The following TNIK variants were observed in gnomAD, a reference collection of about 807,000 sequenced individuals.
The protein encoded by TNIK is TRAF2 and NCK interacting kinase.
In TNIK, 49 loss-of-function variants were observed where a neutral mutation model predicts 191.3. The ratio of observed to expected loss-of-function variants is 0.26; its 90% CI spans 0.20 to 0.32. The LOEUF (loss-of-function observed/expected upper bound fraction) is 0.32. TNIK is among the 10% of genes least tolerant of loss of function. The probability of loss-of-function intolerance (pLI) is 1.00; values close to 1 mark genes in which losing one functional copy is unlikely to be tolerated. For missense variants in TNIK, 1,155 were observed against 1,702.3 expected (o/e 0.68, Z 5.66); for synonymous variants, 594 against 600.9 (o/e 0.99, Z 0.17).
chr3:171,423,999 A>C (rs890978708), intron 1 of TNIK, among the ~76,000 whole-genome samples: 3 of 152,212 alleles, frequency 2.0e-5, no homozygotes, highest in African/African-American at 7.2e-5. Flanking sequence ...TAATTAAACT[A>C]AAGAGCTTCT....
At chr3:171,384,040 C>T (rs908112242) in intron 1 of TNIK, among the ~76,000 whole-genome samples, 2 of 152,160 alleles carry the variant, frequency 1.3e-5, no homozygotes, top group Admixed American at 6.5e-5. Context: ...TGTACACTCC[C>T]GCATTCTGTG....
Position 171,297,215 on chromosome 3 carries a change from C to A in TNIK, c.124-68994G>T, listed in dbSNP as rs79888095. On this transcript the variant is annotated intron_variant, in intron 2 of 32. Coordinates refer to ENST00000436636, the MANE Select transcript of TNIK (RefSeq NM_015028.4). ...AGAAGACAAGAAGAGAGGGAATGTA[C>A]TGCATCCTATTTCAAGCACTAACAC... Among the ~76,000 whole-genome samples the A allele has an allele frequency of 2.3e-3, 355 of 152,298 alleles. 1 individual carries two copies. The East Asian group carries it at 0.029, about 12-fold the overall frequency.
At chr3:171,347,002 C>T in intron 2 of TNIK, 3 of 777,582 alleles carry the variant, frequency 3.9e-6, no homozygotes, top group Middle Eastern at 2.4e-4. Context: ...GCAAGGATAA[C>T]ATCAAGGGAC....
chr3:171,238,349 A>G (rs1391332757), intron 2 of TNIK, among the ~76,000 whole-genome samples: 1 of 152,034 alleles, frequency 6.6e-6, no homozygotes, highest in East Asian at 1.9e-4. Context: ...AATATTGTAT[A>G]TATACAAATA....
chr3:171,103,703 TAAAG>T (rs1021821789), intron 21 of TNIK, among the ~76,000 whole-genome samples: 1 of 152,118 alleles, frequency 6.6e-6, no homozygotes, highest in Non-Finnish European at 1.5e-5. Context: ...TTATATAATT[TAAAG>T]AGAGAATATG....
intron 2 of TNIK, among the ~76,000 whole-genome samples, chr3:171,340,915 A>G (rs1187047932): frequency 6.6e-6 from 1 of 152,138 alleles, no homozygotes; most frequent in Non-Finnish European, 1.5e-5. Context: ...GGAAAAAAAA[A>G]AAGCCTACAA....
At chr3:171,223,928 C>T (rs1352477027) in intron 3 of TNIK, among the ~76,000 whole-genome samples, 1 of 152,120 alleles carries the variant, frequency 6.6e-6, no homozygotes, top group African/African-American at 2.4e-5. Context: ...TAATAACTCT[C>T]AGGTTTTTCT....
intron 6 of TNIK, among the ~76,000 whole-genome samples, chr3:171,189,431 A>C (rs1737759088): frequency 6.6e-6 from 1 of 152,222 alleles, no homozygotes; most frequent in South Asian, 2.1e-4. Flanking sequence ...AAAGAATTAC[A>C]TTTGATTACA....
intron 2 of TNIK, among the ~76,000 whole-genome samples, chr3:171,247,910 G>C (rs1745787123): frequency 6.6e-6 from 1 of 152,134 alleles, no homozygotes; most frequent in South Asian, 2.1e-4. Context: ...TGACTATGTG[G>C]AGGCAAAGAG....
intron 1 of TNIK, among the ~76,000 whole-genome samples, chr3:171,390,680 C>T (rs1168802301): frequency 6.6e-6 from 1 of 152,214 alleles, no homozygotes; most frequent in East Asian, 1.9e-4. Context: ...CCTCTTGGTA[C>T]ATTAGCTTTC....
chr3:171,368,405 C>G (rs1035857314), intron 2 of TNIK, among the ~76,000 whole-genome samples: 1 of 152,192 alleles, frequency 6.6e-6, no homozygotes, highest in African/African-American at 2.4e-5. Context: ...AATCTTCCAA[C>G]CTAATTATCT....
At chr3:171,217,730 T>C (rs57514050) in intron 3 of TNIK, among the ~76,000 whole-genome samples, 10,884 of 152,150 alleles carry the variant, frequency 0.072, 661 homozygotes, top group East Asian at 0.26. Flanking sequence ...GAATGAGATA[T>C]ATGCAAAATT....
intron 10 of TNIK, among the ~76,000 whole-genome samples, chr3:171,165,839 C>T (rs561943849): frequency 3.9e-5 from 6 of 152,292 alleles, no homozygotes; most frequent in South Asian, 2.1e-4. Context: ...GCAGCAACCC[C>T]CTCCTGCTGT....
intron 2 of TNIK, among the ~76,000 whole-genome samples, chr3:171,256,099 GA>G (rs879484172): frequency 1.5e-4 from 23 of 148,758 alleles, no homozygotes; most frequent in Non-Finnish European, 3.1e-4. Context: ...TCCCAACAAG[GA>G]AAAAAAAAAT....
At chr3:171,206,734 A>G (rs1175086393) in intron 4 of TNIK, among the ~76,000 whole-genome samples, 2 of 152,164 alleles carry the variant, frequency 1.3e-5, no homozygotes, top group African/African-American at 4.8e-5. Flanking sequence ...TGGACCCAGC[A>G]AAGTTTATCA....
intron 18 of TNIK, among the ~76,000 whole-genome samples, chr3:171,117,669 T>C (rs754756077): frequency 2.0e-5 from 3 of 152,086 alleles, no homozygotes; most frequent in African/African-American, 4.8e-5. Flanking sequence ...ATAATGTATA[T>C]AGTTAAAAAT....
chr3:171,373,875 G>T (rs1487502058), intron 1 of TNIK, among the ~76,000 whole-genome samples: 1 of 152,126 alleles, frequency 6.6e-6, no homozygotes, highest in Non-Finnish European at 1.5e-5. Context: ...CAGCGTCACT[G>T]CCTCTCTCTC....
intron 2 of TNIK, among the ~76,000 whole-genome samples, chr3:171,365,241 G>A (rs1378032177): frequency 8.0e-6 from 1 of 125,192 alleles, no homozygotes; most frequent in African/African-American, 3.1e-5. Context: ...GGAGTGCAAT[G>A]GTGCGATCTC....
intron 1 of TNIK, among the ~76,000 whole-genome samples, chr3:171,381,526 T>C (rs1560000095): frequency 6.6e-6 from 1 of 152,190 alleles, no homozygotes. Context: ...TTCTGTGTCA[T>C]TCCTACTTAA....
Sources: gnomAD v4.1 joint callset for allele counts (sites outside exome capture counted in the v4.1 genomes callset) on GRCh38, gnomAD v4.1.1 for gene constraint, MANE v1.5 for transcripts, NCBI Gene and HGNC (gene_info 2026-07-23, HGNC 2026-07-21) for gene names.